The following EIF3K variants were observed in gnomAD, a reference collection of about 807,000 sequenced individuals.
EIF3K encodes the protein eukaryotic translation initiation factor 3 subunit K.
A neutral mutation model predicts 34.2 loss-of-function variants in EIF3K; 27 were observed. The ratio of observed to expected loss-of-function variants is 0.79; its 90% CI spans 0.58 to 1.09. The LOEUF is 1.09. Ranked by LOEUF, EIF3K falls within the 50% of genes least tolerant of loss-of-function variation. The probability of loss-of-function intolerance (pLI) is 0.00; values close to 1 mark genes in which losing one functional copy is unlikely to be tolerated. For missense variants in EIF3K, 232 were observed against 275.4 expected, an observed-to-expected ratio of 0.84 and a Z score of 1.11; for synonymous variants, 105 against 105.7, an observed-to-expected ratio of 0.99 and a Z score of 0.04.
chr19:38,632,689 C>G lies in EIF3K; in HGVS notation c.499+11C>G, dbSNP rs745826772. The G allele has an allele frequency of 4.4e-6, 7 of 1,606,802 alleles. No individual in the cohort carries two copies. In the Admixed American group the frequency reaches 8.4e-5, roughly 19 times the overall value. ...TCGGGGATCTGTCGGGTAACGCCCT[C>G]TGGGTCCTGGTGCACATCTGGGAGG... On this transcript the variant is annotated intron_variant, in intron 6 of 7. Transcript: ENST00000248342.
intron 2 of EIF3K, among the ~76,000 whole-genome samples, chr19:38,623,853 G>T (rs1198585869): frequency 1.3e-5 from 2 of 152,202 alleles, no homozygotes; most frequent in Admixed American, 1.3e-4. Flanking sequence ...ACTTAGCAGT[G>T]TCTGCCCCAT....
chr19:38,636,719 C>G (rs888574117), intron 7 of EIF3K, among the ~76,000 whole-genome samples, 170 bp from the exon 8 acceptor site: 5 of 152,124 alleles, frequency 3.3e-5, no homozygotes, highest in African/African-American at 1.2e-4. Context: ...GCCCTCCTTG[C>G]TCCAGAGTCC....
chr19:38,629,368 C>T (rs145979856), intron 4 of EIF3K, among the ~76,000 whole-genome samples: 86 of 152,298 alleles, frequency 5.6e-4, no homozygotes, highest in African/African-American at 2.0e-3. Context: ...AAACACAGCT[C>T]ACTGCAGCTT....
intron 6 of EIF3K, chr19:38,633,036 T>C: frequency 4.2e-6 from 1 of 236,094 alleles, no homozygotes; most frequent in East Asian, 9.8e-5. Flanking sequence ...GCAAGACAGC[T>C]CACAGACCAG....
At chr19:38,622,929 C>T (rs1005436204) in intron 2 of EIF3K, among the ~76,000 whole-genome samples, 3 of 152,260 alleles carry the variant, frequency 2.0e-5, no homozygotes, top group African/African-American at 7.2e-5. Context: ...CTCTCTCATT[C>T]CCGGAACAAT....
intron 4 of EIF3K, 145 bp from the exon 5 acceptor site, chr19:38,632,285 G>C (rs1347487529): frequency 2.2e-5 from 16 of 719,082 alleles, no homozygotes; most frequent in Admixed American, 7.2e-5. Context: ...TAGCACTTTG[G>C]GGGGCTGAGG....
intron 4 of EIF3K, 77 bp from the exon 5 acceptor site, chr19:38,632,353 C>G: frequency 7.1e-7 from 1 of 1,404,730 alleles, no homozygotes; most frequent in Non-Finnish European, 9.9e-7. Context: ...TAGTGAGACC[C>G]CATCTCTATA....
chr19:38,627,591 T>C (rs1975975266), intron 4 of EIF3K, among the ~76,000 whole-genome samples: 1 of 150,982 alleles, frequency 6.6e-6, no homozygotes, highest in Admixed American at 6.6e-5. Flanking sequence ...TTGAACCCAG[T>C]GGGTTCAACC....
chr19:38,634,164 A>G (rs1209949794), intron 6 of EIF3K, among the ~76,000 whole-genome samples: 1 of 139,696 alleles, frequency 7.2e-6, no homozygotes, highest in Non-Finnish European at 1.5e-5. Context: ...CAGTGGCATA[A>G]TCTCGGCTCA....
intron 1 of EIF3K, among the ~76,000 whole-genome samples, chr19:38,619,954 AGTAGGCAGCGAG>A (rs1975804187): frequency 6.6e-6 from 1 of 152,142 alleles, no homozygotes. Context: ...ACATGGAGGA[AGTAGGCAGCGAG>A]GTAGGCAGGA....
rs1193921349 is a variant in EIF3K, at chr19:38,635,063, T to C, written c.570T>C (p.Cys190=). 1 of 1,614,212 alleles carries C rather than the reference T, an allele frequency of 6.2e-7. No individual in the cohort carries two copies. Among genetic ancestry groups the C allele is most frequent in the South Asian group, 1.1e-5 (1 of 91,078 alleles). Residue 190 remains cysteine (C), a synonymous_variant, in exon 7 of 8, where the codon TGT becomes TGC. Coordinates refer to ENST00000248342, the MANE Select transcript of EIF3K (RefSeq NM_013234.4). ...ACGAGTCGGGGCAGATCTTCATCTGTAGCCAAGAAGAGAGCATTAAACCCA... is the reference window on the plus strand; with the variant it reads ...ACGAGTCGGGGCAGATCTTCATCTGCAGCCAAGAAGAGAGCATTAAACCCA... The part of the protein sequence containing the change: ...SADESGQIFI[C]SQEESIKPKN...
chr19:38,633,004 G>A (rs1191211638), intron 6 of EIF3K: 1 of 284,958 alleles, frequency 3.5e-6, no homozygotes, highest in Non-Finnish European at 6.6e-6. Flanking sequence ...GTGTCCAGTG[G>A]TGATTCCTGT....
intron 3 of EIF3K, among the ~76,000 whole-genome samples, chr19:38,624,433 G>T: frequency 6.6e-6 from 1 of 152,114 alleles, no homozygotes; most frequent in African/African-American, 2.4e-5. Context: ...GAGTGGTCAG[G>T]GTTGGGTTAC....
chr19:38,621,085 T>G (rs1011741285), intron 2 of EIF3K, among the ~76,000 whole-genome samples: 1 of 150,724 alleles, frequency 6.6e-6, no homozygotes, highest in African/African-American at 2.5e-5. Context: ...TAGTTCCAGC[T>G]ACTTGAGAGG....
intron 4 of EIF3K, among the ~76,000 whole-genome samples, chr19:38,628,790 C>T (rs1280948785): frequency 1.3e-5 from 2 of 151,864 alleles, no homozygotes; most frequent in African/African-American, 2.4e-5. Context: ...TGCCATTGCA[C>T]TCCAGTCTGA....
At chr19:38,634,803 A>G (rs1976153615) in intron 6 of EIF3K, among the ~76,000 whole-genome samples, 190 bp from the exon 7 acceptor site, 1 of 152,198 alleles carries the variant, frequency 6.6e-6, no homozygotes, top group Non-Finnish European at 1.5e-5. Context: ...TCTGGCGGCC[A>G]TTCAGAGAAT....
intron 2 of EIF3K, among the ~76,000 whole-genome samples, chr19:38,623,516 G>A (rs1350828953): frequency 1.3e-5 from 2 of 152,180 alleles, no homozygotes; most frequent in African/African-American, 4.8e-5. Flanking sequence ...TGTTGGCCAG[G>A]CTGGTCTCGA....
At chr19:38,623,012 G>A (rs1426436256) in intron 2 of EIF3K, among the ~76,000 whole-genome samples, 2 of 152,128 alleles carry the variant, frequency 1.3e-5, no homozygotes, top group African/African-American at 2.4e-5. Flanking sequence ...TGCAATTTTT[G>A]TAGTTAACGC....
intron 4 of EIF3K, among the ~76,000 whole-genome samples, chr19:38,630,030 G>A (rs932880381): frequency 5.9e-5 from 9 of 152,124 alleles, no homozygotes; most frequent in African/African-American, 2.2e-4. Context: ...CTCACCTCCA[G>A]GATTTTTGGA....
Sources: allele counts gnomAD v4.1 joint callset (sites outside exome capture counted in the v4.1 genomes callset), GRCh38; gene constraint gnomAD v4.1.1; transcripts MANE v1.5; gene names NCBI Gene and HGNC (gene_info 2026-07-23, HGNC 2026-07-21).